Variants in ANKRD30A observed in about 807,000 individuals in gnomAD.
ANKRD30A encodes the protein ankyrin repeat domain 30A.
In ANKRD30A, 170 loss-of-function variants were observed where a neutral mutation model predicts 166.3. The ratio of observed to expected loss-of-function variants is 1.02; its 90% CI spans 0.90 to 1.16. ANKRD30A has a LOEUF of 1.16. Among genes scored for constraint, ANKRD30A ranks in the 50% most tolerant of loss-of-function variants. The pLI, the probability that ANKRD30A is intolerant of heterozygous loss-of-function variation, is 0.00. For missense variants in ANKRD30A, 1,630 were observed against 1,518.0 expected (o/e 1.07, Z -1.23); for synonymous variants, 564 against 508.9 (o/e 1.11, Z -1.46).
intron 19 of ANKRD30A, among the ~76,000 whole-genome samples, chr10:37,167,622 A>G (rs1469444077): frequency 2.0e-5 from 3 of 151,868 alleles, no homozygotes; most frequent in Non-Finnish European, 4.4e-5. Context: ...AGCTTATTAA[A>G]TTTGCCATTC....
chr10:37,199,753 C>T lies in ANKRD30A; in HGVS notation c.2743C>T (p.Gln915Ter). ...TCAGATGTTCCCTTCAGAATCAAAA[C>T]AAAAGAAGGTTGAAGAAAATTCTTG... Reference protein sequence around the residue: ...ADQMFPSESKQKKVEENSWDS... With the variant: ...ADQMFPSESK The change falls in exon 30 of 36, where the codon CAA (glutamine) becomes TAA (stop). Residue 915 changes from glutamine (Q) to a stop codon, truncating the protein, a stop_gained. Coordinates refer to ENST00000361713, the MANE Select transcript of ANKRD30A (RefSeq NM_052997.3). LOFTEE classifies it high-confidence loss of function. 1 of 1,580,186 alleles carries T rather than the reference C, an allele frequency of 6.3e-7. No individual in the cohort carries two copies. The highest frequency in any genetic ancestry group is 8.6e-7 in the Non-Finnish European group (1 of 1,156,770).
At chr10:37,155,377 A>G (rs1315699491) in intron 13 of ANKRD30A, among the ~76,000 whole-genome samples, 1 of 152,184 alleles carries the variant, frequency 6.6e-6, no homozygotes, top group African/African-American at 2.4e-5. Flanking sequence ...GAATATTTAT[A>G]TTTAGTATTA....
At chr10:37,156,411 C>T (rs1434250382) in intron 13 of ANKRD30A, among the ~76,000 whole-genome samples, 6 of 152,034 alleles carry the variant, frequency 3.9e-5, no homozygotes, top group African/African-American at 9.7e-5. Flanking sequence ...TTTTCCTACC[C>T]GGTTCCTCTG....
chr10:37,167,607 T>A (rs1297440146), intron 19 of ANKRD30A, among the ~76,000 whole-genome samples: 3 of 151,872 alleles, frequency 2.0e-5, no homozygotes, highest in Non-Finnish European at 4.4e-5. Flanking sequence ...TACATCAATA[T>A]TGAAAGCTTA....
rs1554818596 is a variant in ANKRD30A at position 37,167,287 on chromosome 10, A to AATAAATATATAT, written c.2155+595_2155+596insAATATATATATA. On this transcript the variant is annotated intron_variant, in intron 19 of 35. Transcript: ENST00000361713. ...TTTTCTTTATTACTATGAGGCGTCA[A>AATAAATATATAT]ATATATATATATATAGATGTGTGCA... 8.7e-5 allele frequency among the ~76,000 whole-genome samples: 11 copies of AATAAATATATAT among 126,716 alleles called. 1 individual carries two copies. The highest frequency in any genetic ancestry group is 3.5e-4 in the African/African-American group (10 of 28,588). 83.1% of individuals were successfully genotyped at this position (126,716 alleles called of 152,430 possible). A position where few individuals can be genotyped will look rare whatever the true frequency, so the allele number is the denominator to read the frequency against.
At chr10:37,226,478 A>G (rs1843160385) in intron 34 of ANKRD30A, among the ~76,000 whole-genome samples, 1 of 151,734 alleles carries the variant, frequency 6.6e-6, no homozygotes, top group Non-Finnish European at 1.5e-5. Flanking sequence ...TGCAGATGCT[A>G]TAGCATAACA....
intron 31 of ANKRD30A, among the ~76,000 whole-genome samples, chr10:37,211,098 G>T (rs1001064109): frequency 6.6e-6 from 1 of 151,352 alleles, no homozygotes; most frequent in Non-Finnish European, 1.5e-5. Flanking sequence ...TATGGTTTTA[G>T]GTCTTATGTT....
At chr10:37,230,037 CAAGAAAACCT>C (rs1381770163) in intron 34 of ANKRD30A, among the ~76,000 whole-genome samples, 3 of 151,718 alleles carry the variant, frequency 2.0e-5, no homozygotes, top group African/African-American at 7.3e-5. Flanking sequence ...AGCAGAAACT[CAAGAAAACCT>C]ATAGCACTTA....
chr10:37,264,088 AAC>A, the ANKRD30A span, among the ~76,000 whole-genome samples: 1 of 152,176 alleles, frequency 6.6e-6, no homozygotes, highest in South Asian at 2.1e-4. Flanking sequence ...TTTTTTTAAA[AAC>A]AGTTTTTGCA....
At chr10:37,260,169 A>C in the ANKRD30A span, among the ~76,000 whole-genome samples, 2 of 152,100 alleles carry the variant, frequency 1.3e-5, no homozygotes, top group African/African-American at 4.8e-5. Flanking sequence ...AAAAAAGAAA[A>C]AATAGTGTTG....
chr10:37,215,894 C>T (rs1293245413), intron 31 of ANKRD30A, among the ~76,000 whole-genome samples: 3 of 151,350 alleles, frequency 2.0e-5, no homozygotes, highest in Non-Finnish European at 4.4e-5. Context: ...GGGGAATTTT[C>T]TGTGGGCCTA....
At chr10:37,138,667 A>G (rs933340426) in intron 6 of ANKRD30A, among the ~76,000 whole-genome samples, 1 of 152,166 alleles carries the variant, frequency 6.6e-6, no homozygotes, top group African/African-American at 2.4e-5. Context: ...TGAGAAGAGA[A>G]GTTTAGAGGA....
At chr10:37,145,288 G>T (rs893933483) in intron 8 of ANKRD30A, among the ~76,000 whole-genome samples, 3 of 152,224 alleles carry the variant, frequency 2.0e-5, no homozygotes, top group African/African-American at 7.2e-5. Context: ...GACCAGCCTG[G>T]CTAATATGGT....
intron 25 of ANKRD30A, among the ~76,000 whole-genome samples, chr10:37,189,999 G>A (rs1367947636): frequency 6.6e-6 from 1 of 151,848 alleles, no homozygotes; most frequent in Admixed American, 6.6e-5. Flanking sequence ...AAATTTACCA[G>A]AGAATTACAG....
At chr10:37,136,697 CT>C in intron 6 of ANKRD30A, 26 bp downstream of exon 6, 1 of 1,272,360 alleles carries the variant, frequency 7.9e-7, no homozygotes, top group Non-Finnish European at 1.1e-6. Context: ...GTAAACTACC[CT>C]TGGTGGTGCT....
rs1440040116 is a variant in ANKRD30A, at chr10:37,161,000, T to C, written c.1901-1649T>C. ...TGGGTGCGGTGGCTCACGCCTGTAA[T>C]CCCAGCACGTTGGGAGGCCGTGACT... On this transcript the variant is annotated intron_variant, in intron 15 of 35. Transcript: ENST00000361713. Among the ~76,000 whole-genome samples the C allele has an allele frequency of 1.1e-3, 171 of 151,818 alleles. 2 individuals carry two copies. Among genetic ancestry groups the C allele is most frequent in the African/African-American group, 4.0e-3 (163 of 41,086 alleles).
Position 37,129,886 on chromosome 10 carries a change from C to G in ANKRD30A, c.222-7C>G, listed in dbSNP as rs772339444. Reference sequence around the variant, plus strand: ...AACTTTGCCAAAAAGTCCTCTCACTCTCGTAGGACTGCTCTACACTGGGCC... The same window carrying G: ...AACTTTGCCAAAAAGTCCTCTCACTGTCGTAGGACTGCTCTACACTGGGCC... On this transcript the variant is annotated splice_region_variant and splice_polypyrimidine_tract_variant and intron_variant, in intron 1 of 35. Transcript: ENST00000361713. 4 of 1,471,316 alleles carry G rather than the reference C, an allele frequency of 2.7e-6. No homozygotes were observed. The South Asian group carries it at 6.2e-5, about 23-fold the overall frequency. 91.1% of individuals were successfully genotyped at this position (1,471,316 alleles called of 1,614,324 possible). A position where few individuals can be genotyped will look rare whatever the true frequency, so the allele number is the denominator to read the frequency against.
chr10:37,150,805 A>G (rs1837878831), intron 11 of ANKRD30A, among the ~76,000 whole-genome samples: 1 of 152,154 alleles, frequency 6.6e-6, no homozygotes, highest in African/African-American at 2.4e-5. Context: ...AGACTCTTTC[A>G]AAAGTTAGTG....
chr10:37,149,836 A>C lies in ANKRD30A; in HGVS notation c.1632A>C (p.Gln544His). The change falls in exon 11 of 36, where the codon CAA becomes CAC. Residue 544 changes from glutamine to histidine, a missense_variant. This residue lies in a region of ANKRD30A where 904 missense variants were observed against 818.5 expected (regional missense o/e 1.10). Transcript: ENST00000361713. ...PNKAFELKNE[Q>H]TLRADPMFPP... ...AAGCCTTTGAATTGAAGAATGAACA[A>C]ACATTGAGAGCAGGTAAATTTTTCA... The C allele has an allele frequency of 3.7e-6, 6 of 1,612,792 alleles. No homozygotes were observed. Among genetic ancestry groups the C allele is most frequent in the Non-Finnish European group, 5.1e-6 (6 of 1,179,066 alleles).
Sources: gnomAD v4.1 joint callset for allele counts (sites outside exome capture counted in the v4.1 genomes callset) on GRCh38, gnomAD v4.1.1 for gene constraint, gnomAD v4.1.1 regional missense constraint, MANE v1.5 for transcripts, NCBI Gene and HGNC (gene_info 2026-07-23, HGNC 2026-07-21) for gene names.